The following DNAH11 variants were observed in gnomAD, a reference collection of about 807,000 sequenced individuals.
DNAH11 encodes axonemal beta dynein heavy chain 11.
DNAH11 carries 442 observed loss-of-function variants against 526.0 expected under a neutral mutation model. The observed-to-expected ratio is 0.84, with a 90% confidence interval of 0.78 to 0.91. The LOEUF (loss-of-function observed/expected upper bound fraction) is 0.91, where lower values mean the gene tolerates loss of function less well. Among genes scored for constraint, DNAH11 ranks in the 40% least tolerant of loss-of-function variants. DNAH11 has a pLI of 0.00. For synonymous variants in DNAH11, 2,461 were observed against 1,935.9 expected (o/e 1.27, Z -7.12); for missense variants, 6,989 against 5,448.7 (o/e 1.28, Z -8.90).
intron 61 of DNAH11, among the ~76,000 whole-genome samples, chr7:21,794,938 G>A (rs1442249417): frequency 1.3e-5 from 2 of 152,106 alleles, no homozygotes; most frequent in Non-Finnish European, 2.9e-5. Context: ...TTTGGTAGGG[G>A]CATTGCAAAT....
Position 21,581,944 on chromosome 7 carries a change from C to G in DNAH11, c.1633C>G (p.Leu545Val). The G allele has an allele frequency of 1.2e-6, 2 of 1,612,968 alleles. No individual in the cohort carries two copies. Among genetic ancestry groups the G allele is most frequent in the Non-Finnish European group, 1.7e-6 (2 of 1,179,300 alleles). The part of the protein sequence containing the change: ...SDYVAFKSKT[L>V]EFDRRLGTII... ...TTATGTGGCATTTAAGTCCAAAACT[C>G]TGGAATTTGACAGAAGGCTTGGGAC... Residue 545 changes from leucine to valine, a missense_variant, in exon 9 of 82, where the codon CTG becomes GTG. By Grantham distance (32) the Leu-to-Val change is conservative. Transcript: ENST00000409508.
chr7:21,575,822 C>G (rs1158154068), intron 8 of DNAH11, among the ~76,000 whole-genome samples: 2 of 152,018 alleles, frequency 1.3e-5, no homozygotes, highest in African/African-American at 4.8e-5. Flanking sequence ...GCATTTATAC[C>G]TTGCTTTTAT....
chr7:21,564,151 C>T lies in DNAH11; in HGVS notation c.983-35C>T, dbSNP rs558650704. On this transcript the variant is annotated intron_variant, in intron 5 of 81. Coordinates refer to ENST00000409508, the MANE Select transcript of DNAH11 (RefSeq NM_001277115.2). ...AATTTAGAAAAAAAAAAAAAACAAA[C>T]CAGAATCACGTTAATGGTGGTTCTT... is the stretch of plus-strand genomic sequence containing the variant. 216 of 1,304,354 alleles carry T rather than the reference C, an allele frequency of 1.7e-4. No homozygotes were observed. The East Asian group carries it at 5.4e-3, about 32-fold the overall frequency. 80.8% of individuals were successfully genotyped at this position (1,304,354 alleles called of 1,614,324 possible).
chr7:21,631,219 C>T lies in DNAH11; in HGVS notation c.4501-4652C>T, dbSNP rs150189640. Among the ~76,000 whole-genome samples, 1,051 of 152,256 alleles carry T rather than the reference C, an allele frequency of 6.9e-3. 4 individuals are homozygous for T. Among genetic ancestry groups the T allele is most frequent in the Non-Finnish European group, 0.012 (819 of 68,022 alleles). On this transcript the variant is annotated intron_variant, in intron 25 of 81. Coordinates refer to ENST00000409508, the MANE Select transcript of DNAH11 (RefSeq NM_001277115.2). ...GAACAGCATGGGAAGGACCTGCCTCCGTGATTCAGTTACCTCCCACTGGGT... is the reference window on the plus strand; with the variant it reads ...GAACAGCATGGGAAGGACCTGCCTCTGTGATTCAGTTACCTCCCACTGGGT...
intron 76 of DNAH11, among the ~76,000 whole-genome samples, chr7:21,889,231 A>G (rs375139708): frequency 1.3e-5 from 2 of 152,310 alleles, no homozygotes; most frequent in East Asian, 3.9e-4. Context: ...ATCAGTACTC[A>G]ATTCCTTTTA....
intron 6 of DNAH11, among the ~76,000 whole-genome samples, chr7:21,568,392 C>T (rs970978757): frequency 1.2e-4 from 18 of 152,154 alleles, no homozygotes; most frequent in African/African-American, 4.1e-4. Flanking sequence ...TGAAGTTCAC[C>T]TAATTCATTT....
intron 30 of DNAH11, among the ~76,000 whole-genome samples, chr7:21,673,777 A>G (rs1333912770): frequency 6.6e-6 from 1 of 152,126 alleles, no homozygotes; most frequent in Non-Finnish European, 1.5e-5. Context: ...AAGCTTGCTG[A>G]CCTATACTTG....
intron 21 of DNAH11, among the ~76,000 whole-genome samples, chr7:21,615,551 A>G (rs1279296868): frequency 6.6e-6 from 1 of 151,352 alleles, no homozygotes; most frequent in Non-Finnish European, 1.5e-5. Flanking sequence ...TAAATAAAAT[A>G]AAAATTAATA....
intron 54 of DNAH11, among the ~76,000 whole-genome samples, chr7:21,760,258 G>A (rs1051745912): frequency 6.6e-6 from 1 of 152,186 alleles, no homozygotes; most frequent in Non-Finnish European, 1.5e-5. Flanking sequence ...GGATGTCTCA[G>A]ACTGAAGCCT....
intron 66 of DNAH11, among the ~76,000 whole-genome samples, chr7:21,843,627 T>C (rs1300861313): frequency 1.3e-5 from 2 of 151,938 alleles, no homozygotes; most frequent in African/African-American, 4.8e-5. Context: ...ACTACAGGCA[T>C]GCACCACCAC....
chr7:21,721,915 T>C (rs1157812342), intron 44 of DNAH11, among the ~76,000 whole-genome samples: 1 of 152,186 alleles, frequency 6.6e-6, no homozygotes, highest in African/African-American at 2.4e-5. Context: ...CCTGGGTCAA[T>C]TCCTTTTTCA....
intron 30 of DNAH11, among the ~76,000 whole-genome samples, chr7:21,678,585 CA>C (rs57997636): frequency 0.056 from 8,007 of 141,872 alleles, 271 homozygotes; most frequent in African/African-American, 0.097. Flanking sequence ...TCTACATCTG[CA>C]AAAAAAAAAA....
At chr7:21,649,502 G>T (rs1459704054) in intron 28 of DNAH11, among the ~76,000 whole-genome samples, 1 of 152,100 alleles carries the variant, frequency 6.6e-6, no homozygotes, top group African/African-American at 2.4e-5. Context: ...CAAATAACAT[G>T]AATAAATTCA....
intron 76 of DNAH11, among the ~76,000 whole-genome samples, chr7:21,892,186 A>C (rs985689051): frequency 6.6e-6 from 1 of 152,110 alleles, no homozygotes; most frequent in African/African-American, 2.4e-5. Context: ...CCCCATGCAC[A>C]CTGCAAACTG....
intron 25 of DNAH11, among the ~76,000 whole-genome samples, chr7:21,622,459 G>GA (rs1243207844): frequency 2.0e-5 from 3 of 152,164 alleles, no homozygotes; most frequent in East Asian, 1.9e-4. Flanking sequence ...CACAGAATTG[G>GA]AAAAAACTAC....
chr7:21,854,178 G>A (rs1257575306), intron 67 of DNAH11, 137 bp from the exon 68 acceptor site: 10 of 802,694 alleles, frequency 1.2e-5, no homozygotes, highest in East Asian at 1.2e-4. Context: ...AGAAAAGCTC[G>A]AGCACATGGA....
At chr7:21,784,386 A>T (rs1242888567) in intron 57 of DNAH11, 41 bp from the exon 58 acceptor site, 9 of 1,452,482 alleles carry the variant, frequency 6.2e-6, no homozygotes, top group Non-Finnish European at 8.6e-6. Context: ...TATCTGTGAT[A>T]ATAATTTATA....
chr7:21,554,352 T>C (rs2128428786), intron 2 of DNAH11, among the ~76,000 whole-genome samples: 1 of 152,152 alleles, frequency 6.6e-6, no homozygotes, highest in African/African-American at 2.4e-5. Flanking sequence ...TTTTGTATTT[T>C]TTAGTAGAGA....
At chr7:21,649,733 T>G (rs1473454791) in intron 28 of DNAH11, among the ~76,000 whole-genome samples, 1 of 151,556 alleles carries the variant, frequency 6.6e-6, no homozygotes, top group African/African-American at 2.4e-5. Flanking sequence ...TAGTGCAATC[T>G]GGACTCACTG....
Sources: gnomAD v4.1 joint callset for allele counts (sites outside exome capture counted in the v4.1 genomes callset) on GRCh38, gnomAD v4.1.1 for gene constraint, MANE v1.5 for transcripts, NCBI Gene and HGNC (gene_info 2026-07-23, HGNC 2026-07-21) for gene names.